COG3: variants seen among roughly 807,000 people sequenced by gnomAD.
COG3 encodes the protein component of oligomeric golgi complex 3.
In COG3, 32 loss-of-function variants were observed where a neutral mutation model predicts 114.1. That is an observed-to-expected ratio of 0.28 (90% CI 0.21 to 0.38). The LOEUF (loss-of-function observed/expected upper bound fraction) is 0.38. COG3 is among the 10% of genes least tolerant of loss of function. The pLI, the probability that COG3 is intolerant of heterozygous loss-of-function variation, is 1.00. For synonymous variants in COG3, 352 were observed against 365.7 expected (o/e 0.96, Z 0.43); for missense variants, 813 against 973.2 (o/e 0.84, Z 2.19).
intron 22 of COG3, among the ~76,000 whole-genome samples, chr13:45,532,343 A>G (rs1873226364): frequency 6.6e-6 from 1 of 152,132 alleles, no homozygotes; most frequent in African/African-American, 2.4e-5. Flanking sequence ...CTAACTCGAT[A>G]TATAATTGGG....
intron 19 of COG3, among the ~76,000 whole-genome samples, chr13:45,524,093 C>T (rs1872445820): frequency 6.6e-6 from 1 of 152,092 alleles, no homozygotes; most frequent in Non-Finnish European, 1.5e-5. Context: ...AGATCCAAGT[C>T]AACATTATAC....
intron 14 of COG3, among the ~76,000 whole-genome samples, chr13:45,503,625 T>C (rs941047398): frequency 2.6e-5 from 4 of 152,056 alleles, no homozygotes; most frequent in Non-Finnish European, 1.5e-5. Flanking sequence ...GGGTGTGGTG[T>C]CTGAGAGCTA....
At chr13:45,518,739 G>A in intron 17 of COG3, 23 bp from the exon 18 acceptor site, 1 of 1,573,940 alleles carries the variant, frequency 6.4e-7, no homozygotes, top group Non-Finnish European at 8.7e-7. Context: ...CATGTTCACT[G>A]GATGAGTAAT....
At chr13:45,480,048 T>C (rs910585103) in intron 3 of COG3, 77 bp from the exon 4 acceptor site, 15 of 1,299,032 alleles carry the variant, frequency 1.2e-5, no homozygotes, top group Non-Finnish European at 1.5e-5. Flanking sequence ...TTGGGAAAAA[T>C]GAGCCTTTGT....
At chr13:45,517,513 T>A (rs34599665) in intron 17 of COG3, among the ~76,000 whole-genome samples, 7 of 151,388 alleles carry the variant, frequency 4.6e-5, no homozygotes, top group Non-Finnish European at 1.5e-5. Context: ...ATTATTTTTG[T>A]TTTTTTCTCT....
intron 13 of COG3, among the ~76,000 whole-genome samples, chr13:45,496,888 T>TGGTCTC (rs1321327586): frequency 6.6e-6 from 1 of 151,642 alleles, no homozygotes; most frequent in African/African-American, 2.4e-5. Context: ...TTAGCCAGGA[T>TGGTCTC]GGTCTCAATC....
intron 22 of COG3, among the ~76,000 whole-genome samples, chr13:45,531,468 T>C (rs1873158477): frequency 6.6e-6 from 1 of 151,798 alleles, no homozygotes; most frequent in African/African-American, 2.4e-5. Context: ...ACTGGGTGAA[T>C]AGGACTAGGC....
chr13:45,534,711 C>T lies in COG3; in HGVS notation c.2467C>T (p.Leu823=), dbSNP rs1323617280. The change falls in exon 23 of 23, where the codon CTG becomes TTG. Residue 823 remains leucine (L), a synonymous_variant. Coordinates refer to ENST00000349995, the MANE Select transcript of COG3 (RefSeq NM_031431.4). Reference sequence around the variant, plus strand: ...TAATTTTGCTTTTCAGCTGAGCCTTCTGCTGTTGGTTTCTAAATAAGCAGG... The same window carrying T: ...TAATTTTGCTTTTCAGCTGAGCCTTTTGCTGTTGGTTTCTAAATAAGCAGG... ...ACPSMEQLSL[L]LLVSK is the part of the protein sequence containing the mutation. 1 of 1,566,098 alleles carries T rather than the reference C, an allele frequency of 6.4e-7. No homozygotes were observed. Among genetic ancestry groups the T allele is most frequent in the Admixed American group, 1.9e-5 (1 of 52,318 alleles).
chr13:45,522,931 C>T (rs566096049), intron 19 of COG3, among the ~76,000 whole-genome samples: 1 of 152,264 alleles, frequency 6.6e-6, no homozygotes, highest in South Asian at 2.1e-4. Flanking sequence ...CAGCTGAGCC[C>T]TAGATCCTGC....
At chr13:45,471,013 A>T (rs2137774183) in intron 1 of COG3, among the ~76,000 whole-genome samples, 1 of 152,384 alleles carries the variant, frequency 6.6e-6, no homozygotes, top group Middle Eastern at 3.4e-3. Flanking sequence ...ATTGGGACAC[A>T]ACCCCATCAT....
In COG3 at chr13:45,483,299, A is replaced by T; in HGVS notation, c.787A>T (p.Met263Leu). The change falls in exon 7 of 23, where the codon ATG becomes TTG. Residue 263 changes from methionine to leucine, a missense_variant. Around this residue, in one of 2 missense-constraint regions of COG3, gnomAD observed 424 missense variants for 430.6 expected, o/e 0.98. Transcript: ENST00000349995. ...GTGTCTTTCTAAAGCTTTGCACCTCATGAAGACATATACTGTGAACACACT... is the reference window on the plus strand; with the variant it reads ...GTGTCTTTCTAAAGCTTTGCACCTCTTGAAGACATATACTGTGAACACACT... The part of the protein sequence containing the change: ...KQCLSKALHL[M>L]KTYTVNTLQT... 2 of 1,597,268 alleles carry T rather than the reference A, an allele frequency of 1.3e-6. No individual in the cohort carries two copies. The highest frequency in any genetic ancestry group is 1.1e-5 in the South Asian group (1 of 90,608).
intron 8 of COG3, among the ~76,000 whole-genome samples, 184 bp downstream of exon 8, chr13:45,486,759 A>T (rs1166011064): frequency 1.3e-5 from 2 of 152,182 alleles, no homozygotes; most frequent in Admixed American, 1.3e-4. Context: ...AAGTCCACAG[A>T]GCAGGAAGCA....
chr13:45,493,369 G>C lies in COG3; in HGVS notation c.1210G>C (p.Val404Leu), dbSNP rs151161679. The change falls in exon 12 of 23, where the codon GTG becomes CTG. Residue 404 changes from valine (V) to leucine (L), a missense_variant. By Grantham distance (32) the Val-to-Leu change is conservative (BLOSUM62 1). This residue lies in a region of COG3 where 389 missense variants were observed against 542.6 expected (regional missense o/e 0.72). Transcript: ENST00000349995. ...TAGTGAGCTTTTGGAGAAACTGTGT[G>C]TGTCATTGTATGATGTCTTCAGGCC... ...KLDELLEKLC[V>L]SLYDVFRPLI... 2.3e-5 allele frequency: 37 copies of C among 1,612,040 alleles called. No homozygotes were observed. Among genetic ancestry groups the C allele is most frequent in the Non-Finnish European group, 3.1e-5 (36 of 1,178,854 alleles).
chr13:45,473,967 A>G (rs1885685603), intron 1 of COG3, among the ~76,000 whole-genome samples: 1 of 152,184 alleles, frequency 6.6e-6, no homozygotes, highest in African/African-American at 2.4e-5. Context: ...ATTCAGAAAG[A>G]GTTTACATGA....
In COG3 at chr13:45,482,487, T is replaced by G; in HGVS notation, c.717+14T>G. On this transcript the variant is annotated intron_variant, in intron 6 of 22. Coordinates refer to ENST00000349995, the MANE Select transcript of COG3 (RefSeq NM_031431.4). Reference sequence around the variant, plus strand: ...ATCTCATCTCATGTAAGTCAGAGTATTTTTGCATGTTTTAAAGAAATCCTT... The same window carrying G: ...ATCTCATCTCATGTAAGTCAGAGTAGTTTTGCATGTTTTAAAGAAATCCTT... 1 of 1,220,304 alleles carries G rather than the reference T, an allele frequency of 8.2e-7. No homozygotes were observed. Among genetic ancestry groups the G allele is most frequent in the South Asian group, 1.3e-5 (1 of 75,094 alleles). 75.6% of individuals were successfully genotyped at this position (1,220,304 alleles called of 1,614,324 possible).
At position 45,536,008 on chromosome 13, in the gene COG3, C is replaced by A; in HGVS notation, c.*1277C>A. 3.8e-6 allele frequency: 1 copy of A among 265,466 alleles called. No individual in the cohort carries two copies. The highest frequency in any genetic ancestry group is 5.9e-6 in the Non-Finnish European group (1 of 170,062). 16.4% of individuals were successfully genotyped at this position (265,466 alleles called of 1,614,324 possible). A position where few individuals can be genotyped will look rare whatever the true frequency, so the allele number is the denominator to read the frequency against. ...CATTAGACGTACTGAGGCAGCACTTCTGCAGGGTGCATACCCTGATTGTTG... is the reference window on the plus strand; with the variant it reads ...CATTAGACGTACTGAGGCAGCACTTATGCAGGGTGCATACCCTGATTGTTG... On this transcript the variant is annotated 3_prime_UTR_variant, in exon 23 of 23. Coordinates refer to ENST00000349995, the MANE Select transcript of COG3 (RefSeq NM_031431.4).
At chr13:45,475,274 T>G (rs533384949) in intron 1 of COG3, among the ~76,000 whole-genome samples, 240 of 152,286 alleles carry the variant, frequency 1.6e-3, no homozygotes, top group African/African-American at 5.3e-3. Context: ...CTTGACTCAC[T>G]GCAACCTCCA....
chr13:45,464,997 C>A lies in COG3; in HGVS notation c.-40C>A. On this transcript the variant is annotated 5_prime_UTR_variant, in exon 1 of 23. Coordinates refer to ENST00000349995, the MANE Select transcript of COG3 (RefSeq NM_031431.4). Reference sequence around the variant, plus strand: ...GCCCAGGTCTCTCTGTCGGGGTCCCCTCCATCTCGCTGCTGCTGAAGGCCG... The same window carrying A: ...GCCCAGGTCTCTCTGTCGGGGTCCCATCCATCTCGCTGCTGCTGAAGGCCG... The A allele has an allele frequency of 6.5e-7, 1 of 1,540,456 alleles. No homozygotes were observed. Among genetic ancestry groups the A allele is most frequent in the South Asian group, 1.2e-5 (1 of 83,510 alleles).
At chr13:45,531,139 A>G (rs1468993822) in intron 22 of COG3, 1 of 894,006 alleles carries the variant, frequency 1.1e-6, no homozygotes, top group African/African-American at 1.8e-5. Flanking sequence ...AAAATTTTTG[A>G]TTTTTCTGTA....
Sources: allele counts gnomAD v4.1 joint callset (sites outside exome capture counted in the v4.1 genomes callset), GRCh38; gene constraint gnomAD v4.1.1; regional missense constraint gnomAD v4.1.1; transcripts MANE v1.5; gene names NCBI Gene and HGNC (gene_info 2026-07-23, HGNC 2026-07-21).